NRXN1: variants seen among roughly 807,000 people sequenced by gnomAD.
NRXN1 encodes the protein neurexin-1.
NRXN1 carries 39 observed loss-of-function variants against 150.9 expected under a neutral mutation model. The ratio of observed to expected loss-of-function variants is 0.26; its 90% CI spans 0.20 to 0.34. NRXN1 has a LOEUF of 0.34. Among genes scored for constraint, NRXN1 ranks in the 10% least tolerant of loss-of-function variants. The pLI is 1.00. For missense variants in NRXN1, 1,815 were observed against 1,949.9 expected, an observed-to-expected ratio of 0.93 and a Z score of 1.30; for synonymous variants, 924 against 757.0, an observed-to-expected ratio of 1.22 and a Z score of -3.62.
chr2:50,323,593 A>ATATATATATATATATATATATAT, intron 17 of NRXN1, among the ~76,000 whole-genome samples: 3 of 149,740 alleles, frequency 2.0e-5, no homozygotes, highest in African/African-American at 7.4e-5. Flanking sequence ...ATATATATAT[A>ATATATATATATATATATATATAT]ACTTAGCAGA....
chr2:50,189,455 G>A (rs757959014), intron 18 of NRXN1, among the ~76,000 whole-genome samples: 1 of 152,048 alleles, frequency 6.6e-6, no homozygotes, highest in Non-Finnish European at 1.5e-5. Context: ...CATGGCACAC[G>A]TATACTTATG....
chr2:50,124,143 C>T (rs1025654913), intron 18 of NRXN1, among the ~76,000 whole-genome samples: 3 of 151,976 alleles, frequency 2.0e-5, no homozygotes, highest in African/African-American at 7.2e-5. Context: ...GTGTATAGCT[C>T]TAGAAGTCAA....
chr2:49,959,791 T>A lies in NRXN1; in HGVS notation c.4129-16000A>T, dbSNP rs564740644. Among the ~76,000 whole-genome samples the A allele has an allele frequency of 5.9e-5, 9 of 152,332 alleles. No individual in the cohort carries two copies. The East Asian group carries it at 1.5e-3, about 26-fold the overall frequency. On this transcript the variant is annotated intron_variant, in intron 21 of 22. Transcript: ENST00000401669. ...TATTATCACCTTCATTATTATTTTA[T>A]AAGACATACATATGTTACCTCCAGC...
intron 17 of NRXN1, among the ~76,000 whole-genome samples, chr2:50,380,810 T>A (rs1208942760): frequency 6.6e-6 from 1 of 152,160 alleles, no homozygotes; most frequent in Non-Finnish European, 1.5e-5. Flanking sequence ...GAAAGGCTAT[T>A]TTCTACCTCC....
intron 21 of NRXN1, among the ~76,000 whole-genome samples, chr2:50,047,776 T>C (rs368953876): frequency 2.0e-5 from 3 of 152,138 alleles, no homozygotes; most frequent in Admixed American, 6.6e-5. Context: ...CTATTGCCCA[T>C]CTTCTCCAAC....
At chr2:50,535,203 C>T (rs552213317) in intron 10 of NRXN1, among the ~76,000 whole-genome samples, 2 of 152,310 alleles carry the variant, frequency 1.3e-5, no homozygotes, top group South Asian at 4.1e-4. Context: ...TATTTGGCAG[C>T]ATCCTTGAAC....
intron 5 of NRXN1, among the ~76,000 whole-genome samples, chr2:50,820,222 C>T (rs908639426): frequency 2.0e-5 from 3 of 152,044 alleles, no homozygotes; most frequent in Non-Finnish European, 2.9e-5. Flanking sequence ...ACTTACTATC[C>T]TTTCTATTGA....
At chr2:50,969,163 C>A (rs371790576) in intron 2 of NRXN1, among the ~76,000 whole-genome samples, 67 of 152,200 alleles carry the variant, frequency 4.4e-4, no homozygotes, top group Admixed American at 1.3e-3. Flanking sequence ...TGCCGGATGA[C>A]GCAACTGAAA....
intron 21 of NRXN1, among the ~76,000 whole-genome samples, chr2:50,042,148 C>T (rs1691077281): frequency 6.6e-6 from 1 of 152,144 alleles, no homozygotes; most frequent in Non-Finnish European, 1.5e-5. Flanking sequence ...ATTCTTTTAA[C>T]ATCTTGTTAT....
At chr2:50,621,364 G>C in intron 6 of NRXN1, 115 bp from the exon 7 acceptor site, 1 of 743,766 alleles carries the variant, frequency 1.3e-6, no homozygotes, top group Non-Finnish European at 2.2e-6. Context: ...TCAGGTAACG[G>C]TTAGTAGAAT....
intron 5 of NRXN1, among the ~76,000 whole-genome samples, chr2:50,718,946 AAT>A (rs1427736866): frequency 6.6e-6 from 1 of 151,706 alleles, no homozygotes; most frequent in African/African-American, 2.4e-5. Context: ...ATGCGTTGCA[AAT>A]ATGTTAGTTT....
intron 17 of NRXN1, among the ~76,000 whole-genome samples, chr2:50,262,974 A>C (rs1021848882): frequency 1.3e-5 from 2 of 152,140 alleles, no homozygotes; most frequent in African/African-American, 4.8e-5. Flanking sequence ...GTAGATTAAT[A>C]CCTTTTGAAA....
At chr2:50,666,374 C>A (rs1395309284) in intron 5 of NRXN1, among the ~76,000 whole-genome samples, 2 of 151,856 alleles carry the variant, frequency 1.3e-5, no homozygotes, top group Non-Finnish European at 2.9e-5. Context: ...GTGAATTTTT[C>A]TTTCATTTCT....
At chr2:50,825,120 T>G (rs534225928) in intron 5 of NRXN1, among the ~76,000 whole-genome samples, 11 of 152,268 alleles carry the variant, frequency 7.2e-5, no homozygotes, top group African/African-American at 2.4e-4. Flanking sequence ...TTTGGCAAAA[T>G]AGGGCACCCA....
intron 18 of NRXN1, among the ~76,000 whole-genome samples, chr2:50,129,588 T>C (rs561987009): frequency 5.3e-5 from 8 of 152,196 alleles, no homozygotes; most frequent in Non-Finnish European, 1.0e-4. Context: ...CCATGCTCCA[T>C]GTGTCCTAAT....
chr2:50,510,867 G>C (rs952956582), intron 12 of NRXN1, among the ~76,000 whole-genome samples: 2 of 152,094 alleles, frequency 1.3e-5, no homozygotes, highest in African/African-American at 2.4e-5. Context: ...ACCAGACCAG[G>C]TCAGAATTCA....
At chr2:50,260,626 T>C (rs1410657226) in intron 17 of NRXN1, among the ~76,000 whole-genome samples, 3 of 127,336 alleles carry the variant, frequency 2.4e-5, no homozygotes, top group South Asian at 4.9e-4. Flanking sequence ...TTTTTTTTTT[T>C]CCGTTTTTTT....
At chr2:50,697,318 T>C (rs1487219193) in intron 5 of NRXN1, among the ~76,000 whole-genome samples, 1 of 152,190 alleles carries the variant, frequency 6.6e-6, no homozygotes, top group Non-Finnish European at 1.5e-5. Context: ...CAGTATATGA[T>C]TAATATGCTA....
intron 18 of NRXN1, among the ~76,000 whole-genome samples, chr2:50,112,902 C>A (rs6714191): frequency 2.0e-5 from 3 of 151,934 alleles, no homozygotes; most frequent in Non-Finnish European, 2.9e-5. Flanking sequence ...CAAAAGAAAT[C>A]AGAAAATGAC....
Sources: gnomAD v4.1 joint callset for allele counts (sites outside exome capture counted in the v4.1 genomes callset) on GRCh38, gnomAD v4.1.1 for gene constraint, MANE v1.5 for transcripts, NCBI Gene and HGNC (gene_info 2026-07-23, HGNC 2026-07-21) for gene names.